Variants in RORA observed in about 807,000 individuals in gnomAD.
The protein encoded by RORA is RAR related orphan receptor A.
A neutral mutation model predicts 69.5 loss-of-function variants in RORA; 7 were observed. That is an observed-to-expected ratio of 0.10 (90% CI 0.06 to 0.19). The LOEUF is 0.19. RORA is among the 10% of genes least tolerant of loss of function. RORA has a pLI of 1.00. For missense variants in RORA, 457 were observed against 663.0 expected, an observed-to-expected ratio of 0.69 and a Z score of 3.41; for synonymous variants, 261 against 240.8, an observed-to-expected ratio of 1.08 and a Z score of -0.78.
At chr15:60,782,757 G>A (rs2140340182) in intron 1 of RORA, among the ~76,000 whole-genome samples, 1 of 152,242 alleles carries the variant, frequency 6.6e-6, no homozygotes, top group Admixed American at 6.5e-5. Flanking sequence ...GTTCATCCCT[G>A]CTAGTAATAA....
At chr15:61,025,335 C>T (rs1304173578) in intron 1 of RORA, among the ~76,000 whole-genome samples, 1 of 152,150 alleles carries the variant, frequency 6.6e-6, no homozygotes, top group Non-Finnish European at 1.5e-5. Flanking sequence ...AACTTTCAGC[C>T]CCCAGACAGC....
chr15:60,961,578 T>C (rs1460863542), intron 1 of RORA, among the ~76,000 whole-genome samples: 2 of 152,218 alleles, frequency 1.3e-5, no homozygotes, highest in Non-Finnish European at 2.9e-5. Context: ...TGGCCTAAGA[T>C]ATGAATGGGC....
chr15:60,652,651 C>A (rs1567142229), intron 2 of RORA, among the ~76,000 whole-genome samples: 1 of 152,168 alleles, frequency 6.6e-6, no homozygotes, highest in Non-Finnish European at 1.5e-5. Context: ...TTTTCATTTT[C>A]ATTTTCCTTC....
At chr15:60,801,999 A>G (rs1462017045) in intron 1 of RORA, among the ~76,000 whole-genome samples, 1 of 152,216 alleles carries the variant, frequency 6.6e-6, no homozygotes, top group Non-Finnish European at 1.5e-5. Flanking sequence ...GATGGCTGAG[A>G]GAGGGTTGTG....
chr15:61,108,958 G>C (rs1006533637), intron 1 of RORA, among the ~76,000 whole-genome samples: 14 of 152,106 alleles, frequency 9.2e-5, no homozygotes, highest in African/African-American at 3.1e-4. Flanking sequence ...CAGCGCTTTG[G>C]GAGGCCAAGG....
intron 1 of RORA, among the ~76,000 whole-genome samples, chr15:60,756,590 T>A (rs1485671918): frequency 6.6e-6 from 1 of 152,254 alleles, no homozygotes; most frequent in African/African-American, 2.4e-5. Context: ...GTGTTGCTTA[T>A]ATCCAGTTTG....
intron 1 of RORA, among the ~76,000 whole-genome samples, chr15:60,890,712 T>A (rs955907652): frequency 2.0e-5 from 3 of 152,364 alleles, no homozygotes; most frequent in Middle Eastern, 3.4e-3. Flanking sequence ...TAATTTAGCA[T>A]ATTTCTTTGT....
intron 1 of RORA, among the ~76,000 whole-genome samples, chr15:61,027,531 T>A (rs1442173366): frequency 6.6e-6 from 1 of 152,146 alleles, no homozygotes; most frequent in Admixed American, 6.5e-5. Flanking sequence ...ATTAGGAAAC[T>A]GGGACTCAGG....
intron 1 of RORA, among the ~76,000 whole-genome samples, chr15:60,972,663 C>T (rs902917977): frequency 6.6e-6 from 1 of 152,172 alleles, no homozygotes; most frequent in African/African-American, 2.4e-5. Context: ...AAATGCTGCT[C>T]CAATGCTTAC....
At chr15:61,220,420 G>GTAT (rs2080084356) in intron 1 of RORA, among the ~76,000 whole-genome samples, 1 of 152,148 alleles carries the variant, frequency 6.6e-6, no homozygotes, top group South Asian at 2.1e-4. Flanking sequence ...TATTTAAGAG[G>GTAT]TTTTAGACTT....
In RORA at chr15:60,827,155, ATCT is replaced by A. The variant is rs1472829491; in HGVS notation, c.167-148472_167-148470del. ...TGTTTCTATTACTGACTTGCTTAGT[ATCT>A]ACCTGAGGTCCCCTCCATTACAGCT... On this transcript the variant is annotated intron_variant, in intron 1 of 10. Coordinates refer to ENST00000335670, the MANE Select transcript of RORA (RefSeq NM_134261.3). 7.2e-5 allele frequency among the ~76,000 whole-genome samples: 11 copies of A among 152,336 alleles called. No homozygotes were observed. In the East Asian group the frequency reaches 2.1e-3, roughly 29 times the overall value.
intron 1 of RORA, among the ~76,000 whole-genome samples, chr15:60,680,298 T>C (rs1337104264): frequency 2.6e-5 from 4 of 152,168 alleles, no homozygotes; most frequent in African/African-American, 4.8e-5. Flanking sequence ...CTCCACACAA[T>C]TGGATTTAAT....
chr15:61,000,432 C>A (rs1391087186), intron 1 of RORA, among the ~76,000 whole-genome samples: 1 of 152,106 alleles, frequency 6.6e-6, no homozygotes, highest in Non-Finnish European at 1.5e-5. Flanking sequence ...ATCCCATAAT[C>A]GAAACGGATA....
intron 2 of RORA, chr15:60,627,209 G>GC (rs770657320): frequency 1.9e-6 from 3 of 1,609,214 alleles, no homozygotes; most frequent in Non-Finnish European, 2.6e-6. Flanking sequence ...GATCAGCAGA[G>GC]CAAAGAACTT....
At position 60,741,644 on chromosome 15, in the gene RORA, C is replaced by T. The variant is rs367957327; in HGVS notation, c.167-62958G>A. Among the ~76,000 whole-genome samples the T allele has an allele frequency of 5.3e-5, 8 of 152,198 alleles. No individual in the cohort carries two copies. In the East Asian group the frequency reaches 1.3e-3, roughly 26 times the overall value. On this transcript the variant is annotated intron_variant, in intron 1 of 10. Transcript: ENST00000335670. Reference sequence around the variant, plus strand: ...CATTAGTAAATGCCCCATAATTCCTCATAGCAGATCTAGTTCCCCAACCTT... The same window carrying T: ...CATTAGTAAATGCCCCATAATTCCTTATAGCAGATCTAGTTCCCCAACCTT...
At chr15:60,497,657 C>T (rs769352622) in intron 10 of RORA, 38 bp from the exon 11 acceptor site, 4 of 1,522,878 alleles carry the variant, frequency 2.6e-6, no homozygotes, top group Admixed American at 3.4e-5. Flanking sequence ...CAGGCAAGAA[C>T]AGGCATAAGC....
intron 1 of RORA, among the ~76,000 whole-genome samples, chr15:60,952,620 A>T (rs904284683): frequency 2.6e-5 from 4 of 152,200 alleles, no homozygotes; most frequent in South Asian, 2.1e-4. Context: ...ACTGTACAAA[A>T]ATCAGAAGCA....
At position 61,120,855 on chromosome 15, in the gene RORA, A is replaced by C. The variant is rs546981500; in HGVS notation, c.166+108198T>G. On this transcript the variant is annotated intron_variant, in intron 1 of 10. Transcript: ENST00000335670. ...ATCAAGCCTTATTTCTTTTTTTATT[A>C]TTTTTTTTTTGAGATCGAGTCTCGC... Among the ~76,000 whole-genome samples the C allele has an allele frequency of 2.5e-4, 38 of 149,642 alleles. No homozygotes were observed. In the South Asian group the frequency reaches 5.5e-3, roughly 22 times the overall value.
chr15:60,915,137 A>G (rs1440817408), intron 1 of RORA, among the ~76,000 whole-genome samples: 1 of 152,162 alleles, frequency 6.6e-6, no homozygotes, highest in Non-Finnish European at 1.5e-5. Context: ...TTCCAGCCCA[A>G]TATGTTCCTC....
Sources: gnomAD v4.1 joint callset for allele counts (sites outside exome capture counted in the v4.1 genomes callset) on GRCh38, gnomAD v4.1.1 for gene constraint, MANE v1.5 for transcripts, NCBI Gene and HGNC (gene_info 2026-07-23, HGNC 2026-07-21) for gene names.